The following NLGN4X variants were observed in gnomAD, a reference collection of about 807,000 sequenced individuals.
NLGN4X encodes neuroligin 4 X-linked.
NLGN4X carries 3 observed loss-of-function variants against 40.3 expected under a neutral mutation model. The observed-to-expected ratio is 0.07, with a 90% CI of 0.03 to 0.19. NLGN4X has a LOEUF of 0.19. Among genes scored for constraint, NLGN4X ranks in the 10% least tolerant of loss-of-function variants. The pLI, the probability that NLGN4X is intolerant of heterozygous loss-of-function variation, is 1.00. For missense variants in NLGN4X, 382 were observed against 708.3 expected, an observed-to-expected ratio of 0.54 and a Z score of 5.23; for synonymous variants, 270 against 306.8, an observed-to-expected ratio of 0.88 and a Z score of 1.25.
rs188169046 is a variant in NLGN4X at position 6,012,094 on chromosome X, C to G, written c.625+17186G>C. ...ACATGCCCAAATTGCAATTCCAAGG[C>G]AGAGCATTAATGAGCATTTGTAATC... On this transcript the variant is annotated intron_variant, in intron 3 of 5. Transcript: ENST00000381095. Among the ~76,000 whole-genome samples the G allele has an allele frequency of 3.9e-3, 436 of 112,295 alleles. 4 individuals carry two copies. The highest frequency in any genetic ancestry group is 0.013 in the African/African-American group (417 of 30,979).
Position 6,034,719 on chromosome X carries a change from T to G in NLGN4X, c.473-5287A>C, listed in dbSNP as rs984157278. Among the ~76,000 whole-genome samples, 154 of 109,258 alleles carry G rather than the reference T, an allele frequency of 1.4e-3. 3 individuals carry two copies. The highest frequency in any genetic ancestry group is 4.8e-3 in the Middle Eastern group (1 of 208). The allele number at this position is 109,258 out of a possible 115,157, so 94.9% of individuals were successfully genotyped here. On this transcript the variant is annotated intron_variant, in intron 2 of 5. Transcript: ENST00000381095. The stretch of plus-strand genomic sequence containing the variant: ...AATGGTGTCTCATCATAGGTTTTTT[T>G]TTTTTTTTTTTCAAAGTCTTGCTCT...
At chrX:6,132,239 T>G in intron 2 of NLGN4X, among the ~76,000 whole-genome samples, 1 of 111,718 alleles carries the variant, frequency 9.0e-6, no homozygotes, top group Middle Eastern at 4.6e-3. Context: ...CATTGTAGGA[T>G]GTTTAGCAGC....
intron 2 of NLGN4X, among the ~76,000 whole-genome samples, chrX:6,133,603 A>AT (rs2039736361): frequency 8.9e-6 from 1 of 111,912 alleles, no homozygotes; most frequent in African/African-American, 3.2e-5. Flanking sequence ...CATATATAAA[A>AT]TTTTTGCCAT....
chrX:6,174,334 G>A (rs1011652560), intron 1 of NLGN4X, among the ~76,000 whole-genome samples: 1 of 111,825 alleles, frequency 8.9e-6, no homozygotes, highest in Non-Finnish European at 1.9e-5. Flanking sequence ...TGCTGAGATT[G>A]TAAATTAGTT....
chrX:6,211,585 T>C (rs1001243736), intron 1 of NLGN4X, among the ~76,000 whole-genome samples: 2 of 111,784 alleles, frequency 1.8e-5, no homozygotes, highest in African/African-American at 6.5e-5. Context: ...AAGATATGTG[T>C]ACAGATACAA....
Position 5,892,678 on chromosome X carries a change from T to C in NLGN4X, c.*139A>G. ...GGATGGGATGACTGCCTTTTTGCAT[T>C]TTTGTCTTAAGTCAGTGGGACAAAA... On this transcript the variant is annotated 3_prime_UTR_variant, in exon 6 of 6. Coordinates refer to ENST00000381095, the MANE Select transcript of NLGN4X (RefSeq NM_181332.3). 1 of 916,033 alleles carries C rather than the reference T, an allele frequency of 1.1e-6. No homozygotes were observed. Among genetic ancestry groups the C allele is most frequent in the Non-Finnish European group, 1.5e-6 (1 of 661,192 alleles). The allele number at this position is 916,033 out of a possible 1,213,427, so 75.5% of individuals were successfully genotyped here.
At chrX:6,063,746 T>A (rs1298768606) in intron 2 of NLGN4X, among the ~76,000 whole-genome samples, 2 of 112,417 alleles carry the variant, frequency 1.8e-5, no homozygotes, top group Non-Finnish European at 3.8e-5. Flanking sequence ...AGTTGAATGC[T>A]TAAAAATCTT....
At chrX:6,049,730 T>TGGGG in intron 2 of NLGN4X, among the ~76,000 whole-genome samples, 1 of 14,405 alleles carries the variant, frequency 6.9e-5, no homozygotes, top group South Asian at 9.9e-3. Context: ...AAAAATAAAA[T>TGGGG]GGGGGGGGGG....
At chrX:5,921,148 C>CATATATATATATATATATATACAT (rs370461333) in intron 3 of NLGN4X, among the ~76,000 whole-genome samples, 2 of 91,046 alleles carry the variant, frequency 2.2e-5, no homozygotes, top group Admixed American at 2.5e-4. Flanking sequence ...TATATATATA[C>CATATATATATATATATATATACAT]ATATATATAT....
intron 3 of NLGN4X, among the ~76,000 whole-genome samples, chrX:5,990,281 T>C (rs777159031): frequency 1.8e-5 from 2 of 111,138 alleles, no homozygotes; most frequent in South Asian, 7.7e-4. Context: ...AGGCACTAGA[T>C]ACAGAAGCTC....
chrX:6,017,468 C>A (rs1394499841), intron 3 of NLGN4X, among the ~76,000 whole-genome samples: 1 of 111,519 alleles, frequency 9.0e-6, no homozygotes, highest in African/African-American at 3.3e-5. Flanking sequence ...CCTAGAGGTT[C>A]GCAATATATT....
At chrX:5,902,774 T>C (rs1446747079) in intron 5 of NLGN4X, among the ~76,000 whole-genome samples, 1 of 112,491 alleles carries the variant, frequency 8.9e-6, no homozygotes, top group Non-Finnish European at 1.9e-5. Flanking sequence ...CACCTGCAGG[T>C]AGGAACTCTG....
chrX:5,915,729 G>A (rs2032761680), intron 3 of NLGN4X, among the ~76,000 whole-genome samples: 3 of 111,535 alleles, frequency 2.7e-5, no homozygotes, highest in South Asian at 3.8e-4. Flanking sequence ...TAGTAGAGAC[G>A]GGGTTTCATC....
At chrX:6,100,867 T>A (rs2038893315) in intron 2 of NLGN4X, among the ~76,000 whole-genome samples, 1 of 111,190 alleles carries the variant, frequency 9.0e-6, no homozygotes, top group Admixed American at 9.6e-5. Flanking sequence ...GATAAACATA[T>A]ATACCATGAA....
chrX:6,087,128 T>A, intron 2 of NLGN4X, among the ~76,000 whole-genome samples: 1 of 109,997 alleles, frequency 9.1e-6, no homozygotes. Flanking sequence ...CTACAAAGAA[T>A]TTTTTAAAAT....
intron 2 of NLGN4X, chrX:6,061,717 T>C (rs1271087399): frequency 8.9e-6 from 1 of 112,190 alleles, no homozygotes; most frequent in African/African-American, 3.2e-5. Context: ...TTTCCTTGCA[T>C]CTGTAGTGGA....
chrX:6,155,294 C>T (rs913889916), intron 1 of NLGN4X, among the ~76,000 whole-genome samples: 30 of 111,948 alleles, frequency 2.7e-4, no homozygotes, highest in African/African-American at 7.1e-4. Context: ...ACATTCATTA[C>T]GGAGCATCCA....
At chrX:5,920,770 A>C (rs12394287) in intron 3 of NLGN4X, among the ~76,000 whole-genome samples, 2,644 of 111,138 alleles carry the variant, frequency 0.024, 29 homozygotes, top group Middle Eastern at 0.079. Context: ...TGCCTGAGTT[A>C]CACACACATT....
chrX:5,921,128 AT>A (rs200882477), intron 3 of NLGN4X, among the ~76,000 whole-genome samples: 7 of 68,840 alleles, frequency 1.0e-4, no homozygotes, highest in African/African-American at 3.7e-4. Context: ...TATGGTAAGT[AT>A]TTTTTATATA....
Sources: gnomAD v4.1 joint callset for allele counts (sites outside exome capture counted in the v4.1 genomes callset) on GRCh38, gnomAD v4.1.1 for gene constraint, MANE v1.5 for transcripts, NCBI Gene and HGNC (gene_info 2026-07-23, HGNC 2026-07-21) for gene names.